KCNK2: variants seen among roughly 807,000 people sequenced by gnomAD.
The protein encoded by KCNK2 is potassium two pore domain channel subfamily K member 2.
Under a neutral mutation model 40.5 loss-of-function variants are expected in KCNK2, and 21 were observed. The observed-to-expected ratio is 0.52, with a 90% CI of 0.37 to 0.75. The LOEUF (loss-of-function observed/expected upper bound fraction) is 0.75. KCNK2 is among the 30% of genes least tolerant of loss of function. The pLI is 0.00. For missense variants in KCNK2, 399 were observed against 531.6 expected (o/e 0.75, Z 2.45); for synonymous variants, 191 against 202.2 (o/e 0.94, Z 0.47).
intron 3 of KCNK2, among the ~76,000 whole-genome samples, chr1:215,134,981 A>T (rs1661838735): frequency 6.6e-6 from 1 of 152,076 alleles, no homozygotes; most frequent in Non-Finnish European, 1.5e-5. Flanking sequence ...CCTATGTTTA[A>T]AGCATACATG....
At chr1:215,209,513 A>AT (rs1665533122) in intron 6 of KCNK2, among the ~76,000 whole-genome samples, 1 of 2,190 alleles carries the variant, frequency 4.6e-4, no homozygotes, top group Non-Finnish European at 8.0e-4. Context: ...TAATATATAT[A>AT]AAATATAATA....
At chr1:215,021,537 CTTTTTTTTTTTTT>C (rs538476962) in intron 1 of KCNK2, among the ~76,000 whole-genome samples, 4 of 96,324 alleles carry the variant, frequency 4.2e-5, no homozygotes, top group African/African-American at 4.4e-5. Flanking sequence ...GGACAACCAT[CTTTTTTTTTTTTT>C]TTTTTTTTTT....
chr1:215,223,693 T>C (rs1666274656), intron 6 of KCNK2, among the ~76,000 whole-genome samples: 1 of 152,190 alleles, frequency 6.6e-6, no homozygotes, highest in South Asian at 2.1e-4. Context: ...CACATACTTC[T>C]ATTCTAAGGT....
At chr1:215,109,112 T>G (rs11120495) in intron 2 of KCNK2, among the ~76,000 whole-genome samples, 116,285 of 151,534 alleles carry the variant, frequency 0.77, 44,934 homozygotes, top group Non-Finnish European at 0.79. Flanking sequence ...GAGTACATGT[T>G]AAATTTTGTT....
intron 5 of KCNK2, among the ~76,000 whole-genome samples, chr1:215,177,962 T>C (rs2102645471): frequency 6.6e-6 from 1 of 151,898 alleles, no homozygotes; most frequent in East Asian, 1.9e-4. Context: ...ATAGATTGCT[T>C]TGGACAGTAT....
At chr1:215,221,001 G>C (rs1271273048) in intron 6 of KCNK2, among the ~76,000 whole-genome samples, 1 of 152,170 alleles carries the variant, frequency 6.6e-6, no homozygotes, top group Non-Finnish European at 1.5e-5. Context: ...ATTTACCCTT[G>C]AACAATGCAG....
intron 2 of KCNK2, among the ~76,000 whole-genome samples, chr1:215,096,219 C>G (rs1381426136): frequency 6.6e-6 from 1 of 151,608 alleles, no homozygotes; most frequent in Non-Finnish European, 1.5e-5. Flanking sequence ...AACATACACA[C>G]ATACACATCT....
intron 5 of KCNK2, among the ~76,000 whole-genome samples, chr1:215,178,325 C>G (rs1664072164): frequency 6.6e-6 from 1 of 152,088 alleles, no homozygotes; most frequent in African/African-American, 2.4e-5. Context: ...TTAACTTCTT[C>G]TTTTCCTATT....
At chr1:215,066,620 G>T (rs1237155608) in intron 1 of KCNK2, among the ~76,000 whole-genome samples, 1 of 152,132 alleles carries the variant, frequency 6.6e-6, no homozygotes, top group Non-Finnish European at 1.5e-5. Context: ...TCTCATTTCT[G>T]ATTCCTGGCT....
intron 5 of KCNK2, among the ~76,000 whole-genome samples, chr1:215,182,559 G>A (rs1664268303): frequency 6.6e-6 from 1 of 152,222 alleles, no homozygotes; most frequent in Non-Finnish European, 1.5e-5. Flanking sequence ...TTGCCCAAGA[G>A]AAACTGCAGC....
At chr1:215,145,665 T>G (rs1662384734) in intron 3 of KCNK2, among the ~76,000 whole-genome samples, 1 of 152,208 alleles carries the variant, frequency 6.6e-6, no homozygotes, top group Non-Finnish European at 1.5e-5. Context: ...TTATTGATTT[T>G]ATGGTTTATT....
intron 1 of KCNK2, among the ~76,000 whole-genome samples, chr1:215,012,201 A>G (rs1471947123): frequency 6.6e-6 from 1 of 152,192 alleles, no homozygotes; most frequent in African/African-American, 2.4e-5. Flanking sequence ...GTAAATGTAC[A>G]TATAACTCTA....
intron 1 of KCNK2, among the ~76,000 whole-genome samples, chr1:215,042,689 C>A (rs964955837): frequency 1.3e-5 from 2 of 152,154 alleles, no homozygotes; most frequent in East Asian, 3.9e-4. Flanking sequence ...TTAGTGTCAC[C>A]TTTTACTTCT....
chr1:215,175,427 T>G (rs1663919148), intron 5 of KCNK2, among the ~76,000 whole-genome samples: 1 of 150,582 alleles, frequency 6.6e-6, no homozygotes, highest in African/African-American at 2.4e-5. Context: ...CTCTAATTTT[T>G]GATACCAAAT....
intron 1 of KCNK2, among the ~76,000 whole-genome samples, chr1:215,049,809 G>A (rs1046804402): frequency 2.6e-5 from 4 of 151,970 alleles, no homozygotes; most frequent in South Asian, 2.1e-4. Context: ...AATTAGTTGG[G>A]GCTATTTGTG....
chr1:215,048,404 T>C (rs1406291957), intron 1 of KCNK2, among the ~76,000 whole-genome samples: 4 of 152,218 alleles, frequency 2.6e-5, no homozygotes, highest in East Asian at 3.9e-4. Flanking sequence ...TAAAAAGAAA[T>C]GCTTAGTGAT....
chr1:215,088,601 C>A (rs549093935), intron 2 of KCNK2, among the ~76,000 whole-genome samples: 2 of 150,420 alleles, frequency 1.3e-5, no homozygotes, highest in Non-Finnish European at 2.9e-5. Flanking sequence ...CCATGACCAG[C>A]GTTTCAGGAC....
chr1:215,083,686 G>A, intron 1 of KCNK2: 2 of 575,216 alleles, frequency 3.5e-6, no homozygotes, highest in Non-Finnish European at 3.1e-6. Context: ...GAACACCTTG[G>A]GGGAGTTTCC....
At chr1:215,038,584 T>C (rs549993981) in intron 1 of KCNK2, among the ~76,000 whole-genome samples, 1 of 152,254 alleles carries the variant, frequency 6.6e-6, no homozygotes, top group African/African-American at 2.4e-5. Flanking sequence ...TCCTTGTTTT[T>C]AATCTCTATA....
Sources: gnomAD v4.1 joint callset for allele counts (sites outside exome capture counted in the v4.1 genomes callset) on GRCh38, gnomAD v4.1.1 for gene constraint, MANE v1.5 for transcripts, NCBI Gene and HGNC (gene_info 2026-07-23, HGNC 2026-07-21) for gene names.